The following SORL1 variants were observed in gnomAD, a reference collection of about 807,000 sequenced individuals.
The protein encoded by SORL1 is sortilin related receptor 1, also known as sortilin-related receptor.
A neutral mutation model predicts 273.7 loss-of-function variants in SORL1; 127 were observed. The ratio of observed to expected loss-of-function variants is 0.46; its 90% CI spans 0.40 to 0.54. The LOEUF is 0.54. SORL1 is among the 20% of genes least tolerant of loss of function. The pLI is 0.00. For missense variants in SORL1, 2,494 were observed against 2,846.1 expected, an observed-to-expected ratio of 0.88 and a Z score of 2.81; for synonymous variants, 1,031 against 1,067.4, an observed-to-expected ratio of 0.97 and a Z score of 0.66.
chr11:121,589,985 C>T (rs1863184401), intron 29 of SORL1, 55 bp from the exon 30 acceptor site: 1 of 1,594,462 alleles, frequency 6.3e-7, no homozygotes, highest in African/African-American at 1.3e-5. Context: ...GAGTTGGAGC[C>T]CTGTGTTCAC....
chr11:121,514,694 C>T (rs1187788011), intron 8 of SORL1, among the ~76,000 whole-genome samples: 1 of 152,184 alleles, frequency 6.6e-6, no homozygotes, highest in Non-Finnish European at 1.5e-5. Flanking sequence ...TCAGTGAGAG[C>T]TGGCATATGC....
intron 35 of SORL1, 56 bp downstream of exon 35, chr11:121,605,627 G>T: frequency 6.9e-7 from 1 of 1,444,974 alleles, no homozygotes; most frequent in Non-Finnish European, 9.7e-7. Flanking sequence ...CGGGGTTTGT[G>T]AGGGTCTTTC....
Position 121,613,827 on chromosome 11 carries a change from T to G in SORL1, c.5419+995T>G, listed in dbSNP as rs916897866. 3.3e-5 allele frequency among the ~76,000 whole-genome samples: 5 copies of G among 152,332 alleles called. No homozygotes were observed. The South Asian group carries it at 1.0e-3, about 32-fold the overall frequency. On this transcript the variant is annotated intron_variant, in intron 40 of 47. Transcript: ENST00000260197. ...GCCTTAGTGTTGCCCCAGTAGAAAC[T>G]GGCAGAGTCAGGAGCAGAAGCCTTA...
intron 30 of SORL1, chr11:121,590,597 C>G (rs1863195720): frequency 1.7e-6 from 1 of 586,498 alleles, no homozygotes; most frequent in African/African-American, 1.9e-5. Context: ...TTGCCCCTTT[C>G]CTTTCTGGCA....
rs769761618 is a variant in SORL1, at chr11:121,583,595, T to A, written c.3706+12T>A. 6.2e-7 allele frequency: 1 copy of A among 1,600,206 alleles called. No homozygotes were observed. Among genetic ancestry groups the A allele is most frequent in the Non-Finnish European group, 8.5e-7 (1 of 1,173,234 alleles). On this transcript the variant is annotated intron_variant, in intron 26 of 47. Coordinates refer to ENST00000260197, the MANE Select transcript of SORL1 (RefSeq NM_003105.6). ...TCCAGTCAACTGTGGTAAATGCAAA[T>A]TCCCCAGCTCCCTCCCTGAGCCTCC...
intron 12 of SORL1, among the ~76,000 whole-genome samples, chr11:121,534,827 C>T (rs893421275): frequency 6.6e-6 from 1 of 152,222 alleles, no homozygotes; most frequent in African/African-American, 2.4e-5. Flanking sequence ...GGGCCTCAGG[C>T]CCCTTCTAAG....
intron 3 of SORL1, among the ~76,000 whole-genome samples, chr11:121,479,848 C>G (rs1861345051): frequency 6.6e-6 from 1 of 152,156 alleles, no homozygotes; most frequent in Non-Finnish European, 1.5e-5. Flanking sequence ...GCAAACTTCC[C>G]TTTCTTACCT....
intron 33 of SORL1, 107 bp from the exon 34 acceptor site, chr11:121,605,006 G>A (rs1863447161): frequency 1.2e-5 from 10 of 848,338 alleles, no homozygotes; most frequent in Non-Finnish European, 1.6e-5. Context: ...CCTGAGCTCA[G>A]GCAATTTGCC....
At position 121,452,715 on chromosome 11, in the gene SORL1, AC is replaced by A; in HGVS notation, c.285+101del. 9.5e-7 allele frequency: 1 copy of A among 1,047,288 alleles called. No individual in the cohort carries two copies. Among genetic ancestry groups the A allele is most frequent in the Non-Finnish European group, 1.3e-6 (1 of 781,376 alleles). The allele number at this position is 1,047,288 out of a possible 1,614,324, so 64.9% of individuals were successfully genotyped here. On this transcript the variant is annotated intron_variant, in intron 1 of 47. Coordinates refer to ENST00000260197, the MANE Select transcript of SORL1 (RefSeq NM_003105.6). This position sits in a 1 kb window ranked among gnomAD's most constrained non-coding sequence, Gnocchi z 5.3. ...TTGCAGTCGCCTCCTAGGTGCAGGC[AC>A]CACTGGGGACTTCCCGGCTTGCATT...
At chr11:121,609,829 A>G (rs1355783582) in intron 38 of SORL1, 5 of 152,238 alleles carry the variant, frequency 3.3e-5, no homozygotes, top group Admixed American at 3.3e-4. Flanking sequence ...TTGCTCGTGA[A>G]TGGATCCCTT....
intron 22 of SORL1, among the ~76,000 whole-genome samples, chr11:121,569,774 A>G (rs936207617): frequency 4.6e-5 from 7 of 151,970 alleles, no homozygotes; most frequent in African/African-American, 1.7e-4. Context: ...GTGATATTCT[A>G]TTACCTTGTG....
At chr11:121,521,752 C>T (rs1420088129) in intron 9 of SORL1, among the ~76,000 whole-genome samples, 1 of 152,206 alleles carries the variant, frequency 6.6e-6, no homozygotes, top group Non-Finnish European at 1.5e-5. Context: ...TCTAGCAAGA[C>T]AGATACTTGT....
At chr11:121,474,812 G>C (rs200609631) in intron 2 of SORL1, among the ~76,000 whole-genome samples, 1 of 152,240 alleles carries the variant, frequency 6.6e-6, no homozygotes, top group African/African-American at 2.4e-5. Flanking sequence ...AGCGCAAGTC[G>C]GGGTGGAGCC....
intron 11 of SORL1, among the ~76,000 whole-genome samples, chr11:121,527,983 CTTAT>C (rs998942454): frequency 6.6e-6 from 1 of 151,202 alleles, no homozygotes; most frequent in Non-Finnish European, 1.5e-5. Flanking sequence ...TATTTTTTCC[CTTAT>C]TTGTTTTGTT....
intron 3 of SORL1, among the ~76,000 whole-genome samples, chr11:121,487,306 T>G (rs992595578): frequency 7.9e-5 from 12 of 152,342 alleles, no homozygotes; most frequent in Admixed American, 6.5e-4. Flanking sequence ...ACACATGTGT[T>G]AGGTTGAATT....
At chr11:121,485,454 A>G (rs1238151852) in intron 3 of SORL1, among the ~76,000 whole-genome samples, 1 of 152,234 alleles carries the variant, frequency 6.6e-6, no homozygotes, top group Admixed American at 6.5e-5. Flanking sequence ...CATTATTAAA[A>G]GAGTGTATAA....
At chr11:121,493,020 C>T (rs1861578667) in intron 5 of SORL1, among the ~76,000 whole-genome samples, 1 of 151,806 alleles carries the variant, frequency 6.6e-6, no homozygotes, top group South Asian at 2.1e-4. Context: ...ACTCTGTTAC[C>T]CAGGCTGGAG....
At chr11:121,576,953 T>C (rs934824658) in intron 24 of SORL1, 14 of 1,528,550 alleles carry the variant, frequency 9.2e-6, no homozygotes, top group African/African-American at 1.4e-5. Context: ...CACTGCTTCC[T>C]AACCTTCTTC....
At position 121,631,705 on chromosome 11, in the gene SORL1, C is replaced by A. The variant is rs1863879355; in HGVS notation, c.*2142C>A. On this transcript the variant is annotated 3_prime_UTR_variant, in exon 48 of 48. Coordinates refer to ENST00000260197, the MANE Select transcript of SORL1 (RefSeq NM_003105.6). ...AGCATCCGGTTCTAGCTACCAGTGC[C>A]TCCCAATGCTTAGTGCACAGTACTG... 1 of 152,156 alleles carries A rather than the reference C, an allele frequency of 6.6e-6. No individual in the cohort carries two copies. Among genetic ancestry groups the A allele is most frequent in the African/African-American group, 2.4e-5 (1 of 41,420 alleles). The allele number at this position is 152,156 out of a possible 1,614,324, so 9.4% of individuals were successfully genotyped here.
Sources: allele counts gnomAD v4.1 joint callset (sites outside exome capture counted in the v4.1 genomes callset), GRCh38; gene constraint gnomAD v4.1.1; non-coding constraint Gnocchi (gnomAD v3.1); transcripts MANE v1.5; gene names NCBI Gene and HGNC (gene_info 2026-07-23, HGNC 2026-07-21).